The following AGPAT3 variants were observed in gnomAD, a reference collection of about 807,000 sequenced individuals.
AGPAT3 encodes 1-acylglycerol-3-phosphate O-acyltransferase 3, also known as 1-acyl-sn-glycerol-3-phosphate acyltransferase gamma.
In AGPAT3, 5 loss-of-function variants were observed where a neutral mutation model predicts 47.3. That is an observed-to-expected ratio of 0.11 (90% confidence interval 0.06 to 0.22). The LOEUF is 0.22. Ranked by LOEUF, AGPAT3 falls within the 10% of genes least tolerant of loss-of-function variation. The pLI, the probability that AGPAT3 is intolerant of heterozygous loss-of-function variation, is 1.00. For missense variants in AGPAT3, 315 were observed against 493.0 expected (o/e 0.64, Z 3.42); for synonymous variants, 212 against 208.3 (o/e 1.02, Z -0.15).
intron 1 of AGPAT3, among the ~76,000 whole-genome samples, chr21:43,874,749 T>C (rs2085697060): frequency 6.6e-6 from 1 of 152,210 alleles, no homozygotes; most frequent in African/African-American, 2.4e-5. Context: ...TGGATTTCTT[T>C]TTGTTTATCC....
chr21:43,891,080 G>A lies in AGPAT3; in HGVS notation c.-111-12877G>A, dbSNP rs77801014. ...TAGCAGTGTGAGAACAGACCAATAC[G>A]GACAGCAATGAAGCTTGCCACATGG... On this transcript the variant is annotated intron_variant, in intron 1 of 9. Transcript: ENST00000291572. Among the ~76,000 whole-genome samples, 1,470 of 152,242 alleles carry A rather than the reference G, an allele frequency of 9.7e-3. 25 individuals carry two copies. The highest frequency in any genetic ancestry group is 0.034 in the African/African-American group (1,394 of 41,532).
intron 2 of AGPAT3, among the ~76,000 whole-genome samples, chr21:43,947,946 G>A (rs932637575): frequency 5.9e-5 from 9 of 152,160 alleles, no homozygotes; most frequent in African/African-American, 1.7e-4. Context: ...ATGAGCCACC[G>A]TGCCCAGCCT....
intron 2 of AGPAT3, among the ~76,000 whole-genome samples, chr21:43,947,840 T>A (rs971664301): frequency 1.3e-5 from 2 of 152,128 alleles, no homozygotes; most frequent in African/African-American, 4.8e-5. Flanking sequence ...AGACGGGGTT[T>A]CACCATGTTG....
intron 1 of AGPAT3, among the ~76,000 whole-genome samples, chr21:43,872,093 C>T (rs143742567): frequency 8.5e-5 from 13 of 152,058 alleles, no homozygotes; most frequent in African/African-American, 1.4e-4. Context: ...GATAAAGCAC[C>T]GTGGTATTTC....
intron 2 of AGPAT3, among the ~76,000 whole-genome samples, chr21:43,958,399 G>A (rs553363548): frequency 4.6e-5 from 7 of 152,000 alleles, no homozygotes; most frequent in South Asian, 2.1e-4. Flanking sequence ...GCAGCAGTGC[G>A]TGTGGGATGT....
intron 2 of AGPAT3, among the ~76,000 whole-genome samples, chr21:43,943,211 A>G (rs1169674238): frequency 6.6e-6 from 1 of 152,014 alleles, no homozygotes; most frequent in Non-Finnish European, 1.5e-5. Context: ...AGTAGCTGGG[A>G]CTACAGGTGC....
chr21:43,960,441 C>T (rs1328664751), intron 3 of AGPAT3, among the ~76,000 whole-genome samples: 7 of 152,280 alleles, frequency 4.6e-5, no homozygotes, highest in East Asian at 1.9e-4. Context: ...CACCGGGCGT[C>T]GTGGGGACAT....
At chr21:43,893,801 T>C (rs1443339257) in intron 1 of AGPAT3, among the ~76,000 whole-genome samples, 32 of 152,160 alleles carry the variant, frequency 2.1e-4, no homozygotes. Context: ...CAGTTCCTCC[T>C]CTGATGGGGG....
intron 2 of AGPAT3, among the ~76,000 whole-genome samples, chr21:43,937,114 C>T (rs1455719235): frequency 6.6e-6 from 1 of 152,206 alleles, no homozygotes; most frequent in Admixed American, 6.5e-5. Context: ...CTGAGTGGGG[C>T]TGGCACTCCT....
At chr21:43,963,774 C>T (rs1035501874) in intron 3 of AGPAT3, among the ~76,000 whole-genome samples, 4 of 151,266 alleles carry the variant, frequency 2.6e-5, no homozygotes, top group African/African-American at 9.7e-5. Flanking sequence ...GCTGGAGAAC[C>T]ACGCTGGATG....
At chr21:43,962,146 A>G (rs1042324799) in intron 3 of AGPAT3, among the ~76,000 whole-genome samples, 31 of 151,468 alleles carry the variant, frequency 2.0e-4, no homozygotes, top group Admixed American at 7.9e-4. Context: ...GACTACAGGC[A>G]CCCGCCACCA....
intron 2 of AGPAT3, among the ~76,000 whole-genome samples, chr21:43,914,650 A>G (rs529079330): frequency 4.9e-4 from 75 of 151,786 alleles, no homozygotes; most frequent in Admixed American, 1.2e-3. Context: ...CTTGGGCTCA[A>G]GCAGTCCTCC....
Position 43,880,987 on chromosome 21 carries a change from A to G in AGPAT3, c.-112+15642A>G, listed in dbSNP as rs1197471616. Among the ~76,000 whole-genome samples, 2 of 152,178 alleles carry G rather than the reference A, an allele frequency of 1.3e-5. No individual in the cohort carries two copies. Among genetic ancestry groups the G allele is most frequent in the Admixed American group, 1.3e-4 (2 of 15,270 alleles). On this transcript the variant is annotated intron_variant, in intron 1 of 9. Coordinates refer to ENST00000291572, the MANE Select transcript of AGPAT3 (RefSeq NM_020132.5). The surrounding 1 kb of genome is among the most constrained non-coding windows in gnomAD (Gnocchi z 4.5). ...GGAGGGGGAAGAGAGAGAAAATGAGAGAGAATGAATGAGAACAAATGTAAG... is the reference window on the plus strand; with the variant it reads ...GGAGGGGGAAGAGAGAGAAAATGAGGGAGAATGAATGAGAACAAATGTAAG...
chr21:43,930,852 AG>A lies in AGPAT3; in HGVS notation c.-49+26837del, dbSNP rs1281159870. Among the ~76,000 whole-genome samples, 8 of 152,048 alleles carry A rather than the reference AG, an allele frequency of 5.3e-5. No individual in the cohort carries two copies. Among genetic ancestry groups the A allele is most frequent in the African/African-American group, 1.7e-4 (7 of 41,394 alleles). On this transcript the variant is annotated intron_variant, in intron 2 of 9. Coordinates refer to ENST00000291572, the MANE Select transcript of AGPAT3 (RefSeq NM_020132.5). This position sits in a 1 kb window ranked among gnomAD's most constrained non-coding sequence, Gnocchi z 5.0. ...CCTCAAGCTGCTGGTGACAAACGCA[AG>A]GGGCCTGCTGCCCTGTCCCCTCGGG... is the stretch of plus-strand genomic sequence containing the variant.
rs759643169 is a variant in AGPAT3 at position 43,985,131 on chromosome 21, C to T, written c.*2739C>T. On this transcript the variant is annotated 3_prime_UTR_variant, in exon 10 of 10. Transcript: ENST00000291572. ...AGCCTGGGCCGTGGTCTCCTGGGGA[C>T]GCCGCTGGCCTCCCAGCTTAGGCCC... 3.5e-5 allele frequency: 16 copies of T among 456,170 alleles called. 1 individual carries two copies. Among genetic ancestry groups the T allele is most frequent in the Middle Eastern group, 3.2e-4 (1 of 3,098 alleles). The allele number at this position is 456,170 out of a possible 1,614,324, so 28.3% of individuals were successfully genotyped here.
chr21:43,961,802 A>G (rs567143217), intron 3 of AGPAT3, among the ~76,000 whole-genome samples: 11 of 152,062 alleles, frequency 7.2e-5, no homozygotes, highest in African/African-American at 9.6e-5. Flanking sequence ...TTTGTCTCAT[A>G]TGGGAAATGG....
intron 1 of AGPAT3, among the ~76,000 whole-genome samples, chr21:43,895,912 G>T (rs923952838): frequency 6.6e-6 from 1 of 152,132 alleles, no homozygotes; most frequent in South Asian, 2.1e-4. Flanking sequence ...GATTACAGGC[G>T]CCTGCTACCA....
chr21:43,924,785 G>A (rs1162483727), intron 2 of AGPAT3, among the ~76,000 whole-genome samples: 2 of 152,160 alleles, frequency 1.3e-5, no homozygotes, highest in Non-Finnish European at 2.9e-5. Context: ...CCACCCTGCC[G>A]CAAGGGGCTT....
rs1321901656 is a variant in AGPAT3 at position 43,954,955 on chromosome 21, C to T, written c.-48-4679C>T. 2.0e-5 allele frequency: 21 copies of T among 1,057,558 alleles called. No homozygotes were observed. Among genetic ancestry groups the T allele is most frequent in the Non-Finnish European group, 2.4e-5 (20 of 846,020 alleles). The allele number at this position is 1,057,558 out of a possible 1,614,324, so 65.5% of individuals were successfully genotyped here. A position where few individuals can be genotyped will look rare whatever the true frequency, so the allele number is the denominator to read the frequency against. ...CAGGTGATGGACCAGAGACTGGCCG[C>T]TTTGTGACACCGAGGACGGTTGATA... On this transcript the variant is annotated intron_variant, in intron 2 of 9. Transcript: ENST00000291572. This position sits in a 1 kb window ranked among gnomAD's most constrained non-coding sequence, Gnocchi z 4.0.
Sources: allele counts gnomAD v4.1 joint callset (sites outside exome capture counted in the v4.1 genomes callset), GRCh38; gene constraint gnomAD v4.1.1; non-coding constraint Gnocchi (gnomAD v3.1); transcripts MANE v1.5; gene names NCBI Gene and HGNC (gene_info 2026-07-23, HGNC 2026-07-21).